The following PHF14 variants were observed in gnomAD, a reference collection of about 807,000 sequenced individuals.
The protein encoded by PHF14 is PHD finger protein 14.
PHF14 carries 55 observed loss-of-function variants against 117.9 expected under a neutral mutation model. The observed-to-expected ratio is 0.47, with a 90% CI of 0.38 to 0.58. The LOEUF is 0.58. Among genes scored for constraint, PHF14 ranks in the 20% least tolerant of loss-of-function variants. PHF14 has a pLI of 0.00. For missense variants in PHF14, 978 were observed against 1,122.2 expected, an observed-to-expected ratio of 0.87 and a Z score of 1.84; for synonymous variants, 409 against 368.6, an observed-to-expected ratio of 1.11 and a Z score of -1.26.
At chr7:11,111,816 G>A (rs543317020) in intron 17 of PHF14, among the ~76,000 whole-genome samples, 1 of 151,352 alleles carries the variant, frequency 6.6e-6, no homozygotes, top group Admixed American at 6.6e-5. Context: ...AATAAATTAT[G>A]TTAGCTAACA....
At chr7:11,085,198 C>A (rs1184315220) in intron 16 of PHF14, among the ~76,000 whole-genome samples, 1 of 152,118 alleles carries the variant, frequency 6.6e-6, no homozygotes, top group Non-Finnish European at 1.5e-5. Context: ...TTTTGCTTGA[C>A]ATGTTTTAAA....
chr7:11,155,526 A>G (rs919904811), intron 17 of PHF14, among the ~76,000 whole-genome samples: 2 of 151,984 alleles, frequency 1.3e-5, no homozygotes, highest in Non-Finnish European at 2.9e-5. Context: ...TCTTCCCTCC[A>G]TTGTTTGCTT....
chr7:11,095,682 G>A (rs1786822283), intron 16 of PHF14, among the ~76,000 whole-genome samples: 1 of 152,010 alleles, frequency 6.6e-6, no homozygotes, highest in African/African-American at 2.4e-5. Flanking sequence ...ACTAAATTGG[G>A]AGAAGTGAAA....
intron 16 of PHF14, among the ~76,000 whole-genome samples, chr7:11,091,372 G>T (rs1184133556): frequency 2.0e-5 from 3 of 152,100 alleles, no homozygotes; most frequent in Non-Finnish European, 4.4e-5. Context: ...TTATTTTTTG[G>T]AGAAAAATAT....
chr7:11,056,360 A>G (rs1228466430), intron 14 of PHF14, among the ~76,000 whole-genome samples: 1 of 151,756 alleles, frequency 6.6e-6, no homozygotes, highest in Admixed American at 6.6e-5. Flanking sequence ...CTTACTTGTC[A>G]TGTAGAATAC....
intron 17 of PHF14, among the ~76,000 whole-genome samples, chr7:11,147,668 C>A (rs1327093672): frequency 2.0e-5 from 3 of 152,124 alleles, no homozygotes; most frequent in African/African-American, 7.2e-5. Context: ...AACTGGCAGA[C>A]CCTTCTCAGT....
chr7:11,038,890 C>A, intron 11 of PHF14, 35 bp downstream of exon 11: 1 of 980,702 alleles, frequency 1.0e-6, no homozygotes, highest in Non-Finnish European at 1.6e-6. Flanking sequence ...TCCTTCAGTT[C>A]TTGCTCCCTA....
chr7:10,982,835 G>A lies in PHF14; in HGVS notation c.576G>A (p.Leu192=), dbSNP rs766609232. 10 of 1,613,758 alleles carry A rather than the reference G, an allele frequency of 6.2e-6. No individual in the cohort carries two copies. Among genetic ancestry groups the A allele is most frequent in the Middle Eastern group, 1.6e-4 (1 of 6,084 alleles). ...KWNLRRNRPL[L]DFVSMEELND... is the part of the protein sequence containing the mutation. ...ACCTTCGACGAAACCGACCACTTCTGGATTTTGTGTCCATGGAAGAGCTGA... is the reference window on the plus strand; with the variant it reads ...ACCTTCGACGAAACCGACCACTTCTAGATTTTGTGTCCATGGAAGAGCTGA... Residue 192 remains leucine, a synonymous_variant, in exon 3 of 18, where the codon CTG becomes CTA. Coordinates refer to ENST00000634607, the MANE Select transcript of PHF14 (RefSeq NM_001007157.2).
rs1297560018 is a variant in PHF14, at chr7:11,013,850, T to C, written c.1149T>C (p.Pro383=). The C allele has an allele frequency of 6.2e-7, 1 of 1,611,610 alleles. No homozygotes were observed. The highest frequency in any genetic ancestry group is 1.3e-5 in the African/African-American group (1 of 74,898). The change falls in exon 5 of 18, where the codon CCT becomes CCC. Residue 383 remains proline (P), a synonymous_variant. Transcript: ENST00000634607. ...FCDACKCGVS[P]SCELCPNQDG... ...ATGCCTGTAAATGTGGTGTTTCTCC[T>C]AGCTGTGAACTGTGTCCTAATCAGG... is the stretch of plus-strand genomic sequence containing the variant.
intron 5 of PHF14, among the ~76,000 whole-genome samples, chr7:11,018,073 G>A (rs922968025): frequency 8.6e-5 from 13 of 152,022 alleles, no homozygotes; most frequent in Non-Finnish European, 1.5e-5. Context: ...AGTTCACTTA[G>A]GTGCGTGGAT....
At chr7:10,981,661 G>A (rs1782048236) in intron 2 of PHF14, among the ~76,000 whole-genome samples, 2 of 152,180 alleles carry the variant, frequency 1.3e-5, no homozygotes, top group African/African-American at 4.8e-5. Context: ...AGTAGTTACT[G>A]CGTAGAAGTT....
intron 13 of PHF14, among the ~76,000 whole-genome samples, chr7:11,048,949 A>G (rs1242286927): frequency 1.3e-5 from 2 of 152,170 alleles, no homozygotes; most frequent in African/African-American, 2.4e-5. Flanking sequence ...AATTAGCCAA[A>G]TTTCTTTGTC....
chr7:11,064,769 C>T (rs1785367901), intron 16 of PHF14, among the ~76,000 whole-genome samples: 1 of 151,914 alleles, frequency 6.6e-6, no homozygotes, highest in African/African-American at 2.4e-5. Flanking sequence ...CTGTTATTTT[C>T]TGCTTTGCCT....
At chr7:11,107,075 A>G in intron 16 of PHF14, 1 of 983,772 alleles carries the variant, frequency 1.0e-6, no homozygotes, top group South Asian at 4.7e-5. Flanking sequence ...TGTTTCAGTT[A>G]GGTTTTAAAA....
chr7:11,133,479 T>G (rs1583491294), intron 17 of PHF14, among the ~76,000 whole-genome samples: 1 of 151,920 alleles, frequency 6.6e-6, no homozygotes, highest in Admixed American at 6.6e-5. Flanking sequence ...ATATTTTTAA[T>G]GCAAAATGGT....
chr7:11,025,878 G>A (rs955899524), intron 6 of PHF14, among the ~76,000 whole-genome samples: 29 of 152,090 alleles, frequency 1.9e-4, no homozygotes, highest in African/African-American at 5.8e-4. Context: ...TTGGGAGGCC[G>A]AGTTGGGTGG....
chr7:11,105,690 C>G lies in PHF14; in HGVS notation c.2655-5660C>G, dbSNP rs946555703. 4.1e-6 allele frequency: 4 copies of G among 984,202 alleles called. No homozygotes were observed. The African/African-American group carries it at 7.0e-5, about 17-fold the overall frequency. 61.0% of individuals were successfully genotyped at this position (984,202 alleles called of 1,614,324 possible). On this transcript the variant is annotated intron_variant, in intron 16 of 17. Coordinates refer to ENST00000634607, the MANE Select transcript of PHF14 (RefSeq NM_001007157.2). ...TGATTTCTAAGATAGGCATGCTTTG[C>G]AAATATTTCTCTATAAAAGTGGAAG... is the stretch of plus-strand genomic sequence containing the variant.
chr7:11,011,430 A>G (rs1256203580), intron 4 of PHF14, among the ~76,000 whole-genome samples: 1 of 152,220 alleles, frequency 6.6e-6, no homozygotes, highest in Non-Finnish European at 1.5e-5. Flanking sequence ...GAAGTCTTTT[A>G]GGAGACGATC....
intron 17 of PHF14, among the ~76,000 whole-genome samples, chr7:11,123,917 C>CAA (rs891259886): frequency 3.1e-5 from 4 of 129,144 alleles, no homozygotes; most frequent in Non-Finnish European, 3.4e-5. Context: ...GACTCCATCT[C>CAA]AAAAAAAAAA....
Sources: allele counts gnomAD v4.1 joint callset (sites outside exome capture counted in the v4.1 genomes callset), GRCh38; gene constraint gnomAD v4.1.1; transcripts MANE v1.5; gene names NCBI Gene and HGNC (gene_info 2026-07-23, HGNC 2026-07-21).